Variants in DCLK2 observed in about 807,000 individuals in gnomAD.
DCLK2 encodes doublecortin like kinase 2.
Under a neutral mutation model 78.4 loss-of-function variants are expected in DCLK2, and 31 were observed. The observed-to-expected ratio is 0.40, with a 90% CI of 0.30 to 0.53. The LOEUF is 0.53. Among genes scored for constraint, DCLK2 ranks in the 20% least tolerant of loss-of-function variants. The pLI, the probability that DCLK2 is intolerant of heterozygous loss-of-function variation, is 0.61. For missense variants in DCLK2, 872 were observed against 973.7 expected, an observed-to-expected ratio of 0.90 and a Z score of 1.39; for synonymous variants, 407 against 374.9, an observed-to-expected ratio of 1.09 and a Z score of -0.99.
intron 2 of DCLK2, among the ~76,000 whole-genome samples, chr4:150,192,262 C>T (rs913872978): frequency 6.6e-5 from 10 of 151,952 alleles, no homozygotes; most frequent in Admixed American, 6.6e-5. Context: ...AGGCAGATCA[C>T]GAGGTCAGGA....
intron 1 of DCLK2, among the ~76,000 whole-genome samples, chr4:150,090,275 G>A (rs137991762): frequency 0.029 from 4,356 of 152,052 alleles, 154 homozygotes; most frequent in African/African-American, 0.092. Context: ...GCGTGGTGGC[G>A]CACGACTGTA....
At chr4:150,080,987 G>C (rs1371966096) in intron 1 of DCLK2, among the ~76,000 whole-genome samples, 1 of 152,176 alleles carries the variant, frequency 6.6e-6, no homozygotes, top group Non-Finnish European at 1.5e-5. Context: ...AAAGGGCCTT[G>C]TTGCTTTTCT....
chr4:150,164,017 T>TG (rs1735890501), intron 2 of DCLK2, among the ~76,000 whole-genome samples: 1 of 152,242 alleles, frequency 6.6e-6, no homozygotes, highest in Admixed American at 6.5e-5. Flanking sequence ...CCCATCCTCC[T>TG]GCCTTGGCCT....
chr4:150,146,232 C>A (rs997516574), intron 2 of DCLK2, among the ~76,000 whole-genome samples: 7 of 152,178 alleles, frequency 4.6e-5, no homozygotes, highest in Admixed American at 1.3e-4. Flanking sequence ...TGTTTTAGAG[C>A]TTTACCACTC....
intron 10 of DCLK2, 60 bp from the exon 11 acceptor site, chr4:150,239,682 C>T: frequency 6.3e-7 from 1 of 1,588,086 alleles, no homozygotes; most frequent in Non-Finnish European, 8.6e-7. Context: ...ATTCCAAGAG[C>T]CCTCTCACAA....
intron 4 of DCLK2, among the ~76,000 whole-genome samples, chr4:150,198,502 T>G (rs909863409): frequency 6.6e-6 from 1 of 152,238 alleles, no homozygotes; most frequent in Non-Finnish European, 1.5e-5. Flanking sequence ...AGAAATGTAT[T>G]TACTTGATAT....
intron 1 of DCLK2, among the ~76,000 whole-genome samples, chr4:150,083,550 G>C (rs1255697277): frequency 6.6e-6 from 1 of 152,110 alleles, no homozygotes; most frequent in African/African-American, 2.4e-5. Context: ...ACGTTTCTGA[G>C]AATTTTTAAG....
rs1738952375 is a variant in DCLK2 at position 150,195,442 on chromosome 4, TA to T, written c.859+2204del. Among the ~76,000 whole-genome samples, 2 of 65,804 alleles carry T rather than the reference TA, an allele frequency of 3.0e-5. 1 individual carries two copies. Among genetic ancestry groups the T allele is most frequent in the African/African-American group, 1.2e-4 (2 of 16,370 alleles). The allele number at this position is 65,804 out of a possible 152,430, so 43.2% of individuals were successfully genotyped here. ...TATATAATATTATATATTATATATA[TA>T]ATATATATTAGATATATTATATATT... On this transcript the variant is annotated intron_variant, in intron 3 of 15. Transcript: ENST00000296550.
intron 2 of DCLK2, among the ~76,000 whole-genome samples, chr4:150,133,577 A>T (rs1469490914): frequency 2.6e-5 from 4 of 152,240 alleles, no homozygotes; most frequent in Admixed American, 2.6e-4. Flanking sequence ...ATATATAATA[A>T]ACCAAGGCAG....
At chr4:150,093,715 A>G (rs1466012846) in intron 1 of DCLK2, among the ~76,000 whole-genome samples, 1 of 152,224 alleles carries the variant, frequency 6.6e-6, no homozygotes, top group Non-Finnish European at 1.5e-5. Context: ...AAAACAACCT[A>G]AGATTCATGC....
At chr4:150,119,047 A>T (rs1732328016) in intron 2 of DCLK2, among the ~76,000 whole-genome samples, 2 of 149,098 alleles carry the variant, frequency 1.3e-5, no homozygotes, top group South Asian at 4.3e-4. Context: ...ATAATAATAT[A>T]ATAATAATAA....
chr4:150,107,378 G>GTT (rs201080236), intron 2 of DCLK2, among the ~76,000 whole-genome samples: 18,773 of 124,962 alleles, frequency 0.15, 1,799 homozygotes, highest in Non-Finnish European at 0.21. Flanking sequence ...TTTGGTTATT[G>GTT]TTTTTTTTTT....
intron 5 of DCLK2, among the ~76,000 whole-genome samples, chr4:150,219,514 GC>G (rs1419580145): frequency 6.6e-6 from 1 of 152,034 alleles, no homozygotes; most frequent in African/African-American, 2.4e-5. Context: ...ACCCGTCACG[GC>G]CTCCCAAAGT....
rs1450171322 is a variant in DCLK2 at position 150,256,701 on chromosome 4, T to TA, written c.*455dup. The TA allele has an allele frequency of 6.4e-6, 1 of 156,142 alleles. No individual in the cohort carries two copies. Among genetic ancestry groups the TA allele is most frequent in the Non-Finnish European group, 1.4e-5 (1 of 71,026 alleles). The allele number at this position is 156,142 out of a possible 1,614,324, so 9.7% of individuals were successfully genotyped here. A position where few individuals can be genotyped will look rare whatever the true frequency, so the allele number is the denominator to read the frequency against. On this transcript the variant is annotated 3_prime_UTR_variant, in exon 16 of 16. Coordinates refer to ENST00000296550, the MANE Select transcript of DCLK2 (RefSeq NM_001040260.4). Reference sequence around the variant, plus strand: ...TCTCTCTCTCTCTCTCTTTTTTTTTTACGAAAGACTTAGAATTGCATTTGT... The same window carrying TA: ...TCTCTCTCTCTCTCTCTTTTTTTTTTAACGAAAGACTTAGAATTGCATTTGT...
At chr4:150,199,659 G>C (rs1418568618) in intron 4 of DCLK2, among the ~76,000 whole-genome samples, 1 of 152,148 alleles carries the variant, frequency 6.6e-6, no homozygotes, top group South Asian at 2.1e-4. Flanking sequence ...AATTAACAAT[G>C]AGCATTTTTA....
rs575158303 is a variant in DCLK2 at position 150,129,653 on chromosome 4, G to A, written c.756+26841G>A. On this transcript the variant is annotated intron_variant, in intron 2 of 15. Transcript: ENST00000296550. ...GAAAATCGCTTGAACCCAGGAGACG[G>A]AGGTTGCAGTGAGCCAAGATTACGC... is the stretch of plus-strand genomic sequence containing the variant. 8.6e-5 allele frequency among the ~76,000 whole-genome samples: 13 copies of A among 152,038 alleles called. No individual in the cohort carries two copies. In the South Asian group the frequency reaches 2.7e-3, roughly 32 times the overall value.
chr4:150,204,027 C>G, intron 5 of DCLK2, 138 bp downstream of exon 5: 1 of 735,358 alleles, frequency 1.4e-6, no homozygotes, highest in Non-Finnish European at 2.2e-6. Context: ...GTAGACTTGA[C>G]TTCGAATCCT....
At chr4:150,179,987 C>G (rs1737386055) in intron 2 of DCLK2, among the ~76,000 whole-genome samples, 2 of 152,068 alleles carry the variant, frequency 1.3e-5, no homozygotes. Flanking sequence ...TACATACTTG[C>G]CATTCATTTA....
At chr4:150,251,303 C>T (rs111215784) in intron 15 of DCLK2, among the ~76,000 whole-genome samples, 36 of 44 alleles carry the variant, frequency 0.82, 16 homozygotes, top group African/African-American at 1. Context: ...CTCACACCCC[C>T]CACACCACAC....
Sources: allele counts gnomAD v4.1 joint callset (sites outside exome capture counted in the v4.1 genomes callset), GRCh38; gene constraint gnomAD v4.1.1; transcripts MANE v1.5; gene names NCBI Gene and HGNC (gene_info 2026-07-23, HGNC 2026-07-21).